C21orf58: variants seen among roughly 807,000 people sequenced by gnomAD.
C21orf58 encodes the protein uncharacterized protein C21orf58.
In C21orf58, 34 loss-of-function variants were observed where a neutral mutation model predicts 35.8. The observed-to-expected ratio is 0.95, with a 90% CI of 0.72 to 1.26. The LOEUF (loss-of-function observed/expected upper bound fraction) is 1.26, where lower values mean the gene tolerates loss of function less well. C21orf58 is among the 50% of genes most tolerant of loss of function. The pLI is 0.00. For missense variants in C21orf58, 440 were observed against 414.3 expected, an observed-to-expected ratio of 1.06 and a Z score of -0.54; for synonymous variants, 191 against 175.8, an observed-to-expected ratio of 1.09 and a Z score of -0.68.
At chr21:46,300,873 T>A, downstream of C21orf58, 1 of 1,095,984 alleles carries the variant, frequency 9.1e-7, no homozygotes, top group African/African-American at 1.7e-5. Context: ...GAAACATAAT[T>A]GCACCCAAAA....
intron 6 of C21orf58, among the ~76,000 whole-genome samples, chr21:46,304,883 C>T (rs1190739265): frequency 6.6e-6 from 1 of 152,248 alleles, no homozygotes; most frequent in South Asian, 2.1e-4. Context: ...TGGACTGTTA[C>T]TCATCTGTGA....
chr21:46,303,795 A>C (rs1252275926), intron 6 of C21orf58, among the ~76,000 whole-genome samples: 1 of 124,260 alleles, frequency 8.0e-6, no homozygotes, highest in Non-Finnish European at 1.6e-5. Context: ...TCTGTCGCCG[A>C]GGCTGGAGTG....
intron 3 of C21orf58, among the ~76,000 whole-genome samples, chr21:46,316,631 C>A (rs1036921242): frequency 2.0e-5 from 3 of 152,192 alleles, no homozygotes; most frequent in Non-Finnish European, 2.9e-5. Flanking sequence ...TGGGGGGGTC[C>A]CCAAACCCTC....
At position 46,322,675 on chromosome 21, in the gene C21orf58, G is replaced by A. The variant is rs1255948889; in HGVS notation, c.64C>T (p.Leu22Phe). The change falls in exon 1 of 8, where the codon CTT (leucine) becomes TTT (phenylalanine). Residue 22 changes from leucine (L) to phenylalanine (F), a missense_variant. Leu to Phe is a conservative substitution (Grantham distance 22, BLOSUM62 0). Coordinates refer to ENST00000291691, the MANE Select transcript of C21orf58 (RefSeq NM_058180.5). ...RKPWKLDRQK[L>F]PSPDSGHSLL... ...CTGTGGCCTGAGTCAGGAGAAGGAA[G>A]TTTCTGGCGGTCGAGCTTCCACGGC... 5.7e-6 allele frequency: 9 copies of A among 1,591,194 alleles called. No individual in the cohort carries two copies. The highest frequency in any genetic ancestry group is 6.8e-6 in the Non-Finnish European group (8 of 1,168,426).
intron 5 of C21orf58, among the ~76,000 whole-genome samples, chr21:46,312,723 A>G (rs2082789687): frequency 6.6e-6 from 1 of 152,214 alleles, no homozygotes; most frequent in Non-Finnish European, 1.5e-5. Flanking sequence ...GGTGGCTCAC[A>G]GTGGCTTTAA....
intron 4 of C21orf58, chr21:46,315,190 T>A: frequency 3.2e-6 from 2 of 625,156 alleles, no homozygotes; most frequent in Non-Finnish European, 5.5e-6. Flanking sequence ...CTCCCCTGCA[T>A]CTCTGCCACT....
chr21:46,303,745 A>ATATATATT (rs2082273893), intron 6 of C21orf58, among the ~76,000 whole-genome samples: 1 of 23,820 alleles, frequency 4.2e-5, no homozygotes, highest in East Asian at 1.2e-3. Context: ...ATATATATAT[A>ATATATATT]TTTTTTTTTT....
intron 1 of C21orf58, chr21:46,320,953 T>C (rs1393976823): frequency 1.3e-5 from 2 of 152,324 alleles, no homozygotes; most frequent in African/African-American, 2.4e-5. Flanking sequence ...GCCAAGTGAA[T>C]GGGAAGCACT....
chr21:46,307,443 C>T (rs1221646003), intron 6 of C21orf58, among the ~76,000 whole-genome samples: 1 of 152,060 alleles, frequency 6.6e-6, no homozygotes, highest in African/African-American at 2.4e-5. Flanking sequence ...TAGGCACACA[C>T]ACACCCACAC....
At chr21:46,318,450 A>G (rs917003590) in intron 1 of C21orf58, 16 of 1,414,256 alleles carry the variant, frequency 1.1e-5, no homozygotes, top group Non-Finnish European at 1.5e-5. Context: ...CAGCTGAGGC[A>G]GAGGGGCAGA....
chr21:46,314,324 C>T (rs944418840), intron 5 of C21orf58, among the ~76,000 whole-genome samples: 2 of 152,100 alleles, frequency 1.3e-5, no homozygotes, highest in African/African-American at 4.8e-5. Flanking sequence ...GTGATCCGCC[C>T]GCCTCGGCCT....
chr21:46,311,986 CCCATCCACCCATCCACCCACCCAT>C (rs1434023988), intron 5 of C21orf58, among the ~76,000 whole-genome samples: 2 of 89,378 alleles, frequency 2.2e-5, no homozygotes, highest in Non-Finnish European at 4.3e-5. Context: ...CATCCATCCA[CCCATCCACCCATCCACCCACCCAT>C]CCATCCACCC....
Position 46,322,753 on chromosome 21 carries a change from G to A in C21orf58, c.-15C>T, listed in dbSNP as rs368815815. 6.9e-7 allele frequency: 1 copy of A among 1,459,056 alleles called. No individual in the cohort carries two copies. The highest frequency in any genetic ancestry group is 2.6e-5 in the East Asian group (1 of 38,396). 90.4% of individuals were successfully genotyped at this position (1,459,056 alleles called of 1,614,324 possible). On this transcript the variant is annotated 5_prime_UTR_variant, in exon 1 of 8. Coordinates refer to ENST00000291691, the MANE Select transcript of C21orf58 (RefSeq NM_058180.5). ...GATCGCGCCATTGCGCTATAGCCTG[G>A]GCGTCGCAGCGAGACTGTCTCAAAA... is the stretch of plus-strand genomic sequence containing the variant.
Position 46,302,104 on chromosome 21 carries a change from C to G in C21orf58, c.864G>C (p.Leu288=). The part of the protein sequence containing the change: ...PRVPRAARPR[L]PAVHHHHHHH... The stretch of plus-strand genomic sequence containing the variant: ...GGTGGTGGTGGTGGTGCACGGCAGG[C>G]AGCCTTGGCCTGGCAGCTCGTGGGA... Residue 288 remains leucine (L), a synonymous_variant, in exon 8 of 8, where the codon CTG becomes CTC. Coordinates refer to ENST00000291691, the MANE Select transcript of C21orf58 (RefSeq NM_058180.5). The G allele has an allele frequency of 6.6e-7, 1 of 1,525,758 alleles. No homozygotes were observed. Among genetic ancestry groups the G allele is most frequent in the Non-Finnish European group, 8.8e-7 (1 of 1,136,332 alleles). 94.5% of individuals were successfully genotyped at this position (1,525,758 alleles called of 1,614,324 possible).
chr21:46,301,752 C>G lies in C21orf58; in HGVS notation c.*247G>C. ...GGGGTCCCTGGGAGGGGCTGTTGCC[C>G]TGGTGGGGTTCACAGGCCCCTCACT... is the stretch of plus-strand genomic sequence containing the variant. On this transcript the variant is annotated 3_prime_UTR_variant, in exon 8 of 8. Coordinates refer to ENST00000291691, the MANE Select transcript of C21orf58 (RefSeq NM_058180.5). 2.5e-6 allele frequency: 3 copies of G among 1,221,274 alleles called. No individual in the cohort carries two copies. Among genetic ancestry groups the G allele is most frequent in the Non-Finnish European group, 3.1e-6 (3 of 981,320 alleles). 75.7% of individuals were successfully genotyped at this position (1,221,274 alleles called of 1,614,324 possible).
rs73373845 is a variant in C21orf58, at chr21:46,318,958, A to G, written c.101-738T>C. The G allele has an allele frequency of 6.3e-3, 3,936 of 627,888 alleles. 150 individuals are homozygous for G. In the African/African-American group the frequency reaches 0.072, roughly 12 times the overall value. The allele number at this position is 627,888 out of a possible 1,614,324, so 38.9% of individuals were successfully genotyped here. On this transcript the variant is annotated intron_variant, in intron 1 of 7. Transcript: ENST00000291691. ...TGGGGGATGTCAGCAGCAGGGGCCC[A>G]GACCTGTGGACCCGAGGGGCAGAGG...
In C21orf58 at chr21:46,301,174, C is replaced by T; in HGVS notation, c.*825G>A. 2 of 749,330 alleles carry T rather than the reference C, an allele frequency of 2.7e-6. No homozygotes were observed. Among genetic ancestry groups the T allele is most frequent in the Non-Finnish European group, 1.6e-6 (1 of 612,334 alleles). 46.4% of individuals were successfully genotyped at this position (749,330 alleles called of 1,614,324 possible). A position where few individuals can be genotyped will look rare whatever the true frequency, so the allele number is the denominator to read the frequency against. On this transcript the variant is annotated 3_prime_UTR_variant, in exon 8 of 8. Transcript: ENST00000291691. ...ATTTTATTTTTGAGACAGGGGCCTG[C>T]TCTGTGGTCCAGGCTATAGTGCAGT...
At chr21:46,314,437 C>G (rs1157464813) in intron 5 of C21orf58, among the ~76,000 whole-genome samples, 1 of 152,196 alleles carries the variant, frequency 6.6e-6, no homozygotes, top group Non-Finnish European at 1.5e-5. Context: ...CCGCTGAGCT[C>G]TCCTGATACT....
chr21:46,305,327 C>CTT lies in C21orf58; in HGVS notation c.722-2753_722-2752dup, dbSNP rs35138310. 4.9e-3 allele frequency among the ~76,000 whole-genome samples: 534 copies of CTT among 109,148 alleles called. 11 individuals are homozygous for CTT. The highest frequency in any genetic ancestry group is 0.015 in the Middle Eastern group (3 of 204). The allele number at this position is 109,148 out of a possible 152,430, so 71.6% of individuals were successfully genotyped here. A position where few individuals can be genotyped will look rare whatever the true frequency, so the allele number is the denominator to read the frequency against. On this transcript the variant is annotated intron_variant, in intron 6 of 7. Coordinates refer to ENST00000291691, the MANE Select transcript of C21orf58 (RefSeq NM_058180.5). ...TTTTTTTTTTTAATCACAAATTAAT[C>CTT]TTTTTTTTTTTTTTTTTTTTGAGAC...
Sources: gnomAD v4.1 joint callset for allele counts (sites outside exome capture counted in the v4.1 genomes callset) on GRCh38, gnomAD v4.1.1 for gene constraint, MANE v1.5 for transcripts, NCBI Gene and HGNC (gene_info 2026-07-23, HGNC 2026-07-21) for gene names.